CCDC102B: variants seen among roughly 807,000 people sequenced by gnomAD.
CCDC102B encodes coiled-coil domain-containing protein 102B.
Under a neutral mutation model 57.4 loss-of-function variants are expected in CCDC102B, and 75 were observed. That is an observed-to-expected ratio of 1.31 (90% CI 1.08 to 1.58). The LOEUF (loss-of-function observed/expected upper bound fraction) is 1.58. Ranked by LOEUF, CCDC102B falls within the 40% of genes most tolerant of loss-of-function variation. The pLI is 0.00. For synonymous variants in CCDC102B, 206 were observed against 201.9 expected (o/e 1.02, Z -0.17); for missense variants, 636 against 582.6 (o/e 1.09, Z -0.94).
chr18:69,054,195 T>C lies in CCDC102B; in HGVS notation c.*58T>C. On this transcript the variant is annotated 3_prime_UTR_variant, in exon 8 of 8. Coordinates refer to ENST00000360242, the MANE Select transcript of CCDC102B (RefSeq NM_024781.3). ...GGGCCTTAAAGACATTTCCATATCC[T>C]TTTCTTAAATATCAGTAAAATTGTT... The C allele has an allele frequency of 6.7e-7, 1 of 1,490,562 alleles. No homozygotes were observed. The highest frequency in any genetic ancestry group is 8.9e-7 in the Non-Finnish European group (1 of 1,124,986). 92.3% of individuals were successfully genotyped at this position (1,490,562 alleles called of 1,614,324 possible).
At chr18:68,730,495 C>T (rs2032809046) in intron 2 of CCDC102B, among the ~76,000 whole-genome samples, 2 of 152,084 alleles carry the variant, frequency 1.3e-5, no homozygotes, top group South Asian at 4.1e-4. Flanking sequence ...GTTATTATGC[C>T]ATTTTTTCAT....
Position 68,748,222 on chromosome 18 carries a change from G to A in CCDC102B, c.-67+31628G>A, listed in dbSNP as rs866569164. ...ATTAAACTGGTGTGTGTGTGTGTGT[G>A]TGTGTGTGTGTGTGTGTGTGTGTGT... On this transcript the variant is annotated intron_variant, in intron 2 of 3. Coordinates refer to the CCDC102B transcript ENST00000578970. 1.8e-3 allele frequency among the ~76,000 whole-genome samples: 260 copies of A among 143,726 alleles called. 1 individual carries two copies. Among genetic ancestry groups the A allele is most frequent in the African/African-American group, 4.7e-3 (166 of 35,650 alleles). 94.3% of individuals were successfully genotyped at this position (143,726 alleles called of 152,430 possible).
rs2050744206 is a variant in CCDC102B at position 68,987,115 on chromosome 18, C to T, written c.1264-23819C>T. Among the ~76,000 whole-genome samples the T allele has an allele frequency of 2.0e-5, 3 of 152,124 alleles. No individual in the cohort carries two copies. The South Asian group carries it at 6.2e-4, about 32-fold the overall frequency. On this transcript the variant is annotated intron_variant, in intron 6 of 7. Coordinates refer to ENST00000360242, the MANE Select transcript of CCDC102B (RefSeq NM_024781.3). ...CAAAAAAGAGCCTAAAGAGCCAAAG[C>T]AACCCTAAGTGAAAAGAACAAAGCT...
chr18:68,954,699 T>C (rs1282649385), intron 6 of CCDC102B, among the ~76,000 whole-genome samples: 1 of 152,182 alleles, frequency 6.6e-6, no homozygotes, highest in Non-Finnish European at 1.5e-5. Flanking sequence ...AAAGGCAGAA[T>C]GGACTTTTAG....
At chr18:68,837,518 A>G in intron 2 of CCDC102B, 149 bp downstream of exon 2, 1 of 776,786 alleles carries the variant, frequency 1.3e-6, no homozygotes, top group Non-Finnish European at 2.1e-6. Context: ...TTTAAGCAAC[A>G]GAAATTCATT....
chr18:69,021,785 G>A (rs2051840643), intron 7 of CCDC102B, among the ~76,000 whole-genome samples: 2 of 152,284 alleles, frequency 1.3e-5, no homozygotes, highest in Non-Finnish European at 1.5e-5. Context: ...CAGCTCTGTC[G>A]TGCTGCCCAA....
downstream of CCDC102B, chr18:69,055,259 G>T (rs1016885904): frequency 1.1e-5 from 7 of 657,436 alleles, no homozygotes; most frequent in African/African-American, 2.0e-5. Flanking sequence ...AAACATGGGG[G>T]ATTGTATGAC....
chr18:68,839,919 G>GT (rs2037554366), intron 3 of CCDC102B, among the ~76,000 whole-genome samples: 1 of 152,158 alleles, frequency 6.6e-6, no homozygotes, highest in Non-Finnish European at 1.5e-5. Flanking sequence ...AATGGAAGGA[G>GT]TGTGAAAACA....
At chr18:69,017,885 A>C (rs1438702035) in intron 7 of CCDC102B, among the ~76,000 whole-genome samples, 2 of 152,188 alleles carry the variant, frequency 1.3e-5, no homozygotes, top group African/African-American at 4.8e-5. Context: ...ACAGGATCAC[A>C]CTGCATTAGT....
At chr18:68,958,094 G>T (rs1006916679) in intron 6 of CCDC102B, among the ~76,000 whole-genome samples, 1 of 152,156 alleles carries the variant, frequency 6.6e-6, no homozygotes, top group East Asian at 1.9e-4. Context: ...GCTAGTGCAG[G>T]CAAACTCAAC....
At chr18:68,801,306 G>A (rs1480409287) in intron 1 of CCDC102B, among the ~76,000 whole-genome samples, 1 of 152,106 alleles carries the variant, frequency 6.6e-6, no homozygotes, top group Non-Finnish European at 1.5e-5. Flanking sequence ...TGGAGATTGT[G>A]AGCTTGAGAC....
At chr18:68,927,359 A>G (rs919365988) in intron 6 of CCDC102B, among the ~76,000 whole-genome samples, 1 of 152,030 alleles carries the variant, frequency 6.6e-6, no homozygotes. Context: ...TCTTGTGAGC[A>G]GCTACAATGC....
At chr18:68,893,391 C>T (rs1445510570) in intron 5 of CCDC102B, among the ~76,000 whole-genome samples, 2 of 150,058 alleles carry the variant, frequency 1.3e-5, no homozygotes, top group Non-Finnish European at 3.0e-5. Flanking sequence ...TAAAACAGCT[C>T]TGGCAATAGC....
At chr18:69,009,661 T>C (rs745508800) in intron 6 of CCDC102B, among the ~76,000 whole-genome samples, 4 of 151,994 alleles carry the variant, frequency 2.6e-5, no homozygotes, top group Non-Finnish European at 4.4e-5. Context: ...TTTATGGCTA[T>C]TTTTTACTTT....
chr18:68,910,538 A>G (rs2040803050), intron 6 of CCDC102B, among the ~76,000 whole-genome samples: 2 of 152,196 alleles, frequency 1.3e-5, no homozygotes, highest in South Asian at 4.1e-4. Flanking sequence ...CACAGAAAAT[A>G]TGAGAACTCC....
At chr18:68,963,538 C>A (rs1014400176) in intron 6 of CCDC102B, among the ~76,000 whole-genome samples, 23 of 151,816 alleles carry the variant, frequency 1.5e-4, no homozygotes, top group Non-Finnish European at 3.1e-4. Flanking sequence ...ACAGTATATT[C>A]CCCATCCATC....
At chr18:68,835,838 T>G (rs2037343033) in intron 1 of CCDC102B, among the ~76,000 whole-genome samples, 1 of 152,200 alleles carries the variant, frequency 6.6e-6, no homozygotes, top group Admixed American at 6.5e-5. Context: ...GAGTTCCTCA[T>G]TGTGATGTTC....
At chr18:68,749,304 A>T (rs7232057) in intron 2 of CCDC102B, among the ~76,000 whole-genome samples, 149,582 of 152,084 alleles carry the variant, frequency 0.98, 73,606 homozygotes, top group East Asian at 1. Context: ...TTTTTCCAAT[A>T]CTGTGAAGAA....
chr18:68,786,081 A>G (rs1376698691), intron 2 of CCDC102B, among the ~76,000 whole-genome samples: 2 of 150,476 alleles, frequency 1.3e-5, no homozygotes, highest in African/African-American at 2.4e-5. Context: ...TTTATTAAAC[A>G]GGGAATCCTT....
Sources: allele counts gnomAD v4.1 joint callset (sites outside exome capture counted in the v4.1 genomes callset), GRCh38; gene constraint gnomAD v4.1.1; transcripts MANE v1.5; gene names NCBI Gene and HGNC (gene_info 2026-07-23, HGNC 2026-07-21).